Variants in PDGFRL observed in about 807,000 individuals in gnomAD.
PDGFRL encodes the protein platelet derived growth factor receptor like.
Under a neutral mutation model 37.2 loss-of-function variants are expected in PDGFRL, and 46 were observed. The observed-to-expected ratio is 1.24, with a 90% CI of 0.98 to 1.58. The LOEUF is 1.58. Ranked by LOEUF, PDGFRL falls within the 40% of genes most tolerant of loss-of-function variation. PDGFRL has a pLI of 0.00. For synonymous variants in PDGFRL, 251 were observed against 184.3 expected, an observed-to-expected ratio of 1.36 and a Z score of -2.93; for missense variants, 692 against 467.6, an observed-to-expected ratio of 1.48 and a Z score of -4.43.
chr8:17,588,275 A>G (rs551486324), intron 1 of PDGFRL, among the ~76,000 whole-genome samples: 29 of 152,324 alleles, frequency 1.9e-4, no homozygotes, highest in South Asian at 6.2e-4. Context: ...TAGTATACAC[A>G]TAATATTTAC....
At chr8:17,598,087 CA>C (rs1469108974) in intron 2 of PDGFRL, among the ~76,000 whole-genome samples, 2 of 152,058 alleles carry the variant, frequency 1.3e-5, no homozygotes, top group Non-Finnish European at 2.9e-5. Flanking sequence ...ATATGTGTAA[CA>C]CAGAGAAAGC....
chr8:17,640,163 G>A (rs1805061314), intron 5 of PDGFRL, among the ~76,000 whole-genome samples: 1 of 152,008 alleles, frequency 6.6e-6, no homozygotes, highest in Non-Finnish European at 1.5e-5. Flanking sequence ...CTATTTCACT[G>A]AAGATTTTTC....
At position 17,590,404 on chromosome 8, in the gene PDGFRL, T is replaced by C. The variant is rs1585301975; in HGVS notation, c.353+639T>C. ...TATAGAAAACTATTATGCATAGAGATGGATGTTTAAAAATTCATATTGTGT... is the reference window on the plus strand; with the variant it reads ...TATAGAAAACTATTATGCATAGAGACGGATGTTTAAAAATTCATATTGTGT... On this transcript the variant is annotated intron_variant, in intron 2 of 5. Transcript: ENST00000251630. Among the ~76,000 whole-genome samples, 7 of 151,898 alleles carry C rather than the reference T, an allele frequency of 4.6e-5. No individual in the cohort carries two copies. The South Asian group carries it at 1.5e-3, about 32-fold the overall frequency.
intron 4 of PDGFRL, among the ~76,000 whole-genome samples, chr8:17,629,966 C>T (rs1202008537): frequency 2.6e-5 from 4 of 152,150 alleles, no homozygotes; most frequent in Admixed American, 6.5e-5. Flanking sequence ...TACCCACACC[C>T]GGCACGCCCT....
intron 2 of PDGFRL, among the ~76,000 whole-genome samples, chr8:17,603,292 AAC>A (rs1804205031): frequency 6.6e-6 from 1 of 152,108 alleles, no homozygotes; most frequent in South Asian, 2.1e-4. Flanking sequence ...CAGCCCAACA[AAC>A]ACATTTTTTA....
At chr8:17,627,789 A>T (rs1447194045) in intron 3 of PDGFRL, among the ~76,000 whole-genome samples, 1 of 151,734 alleles carries the variant, frequency 6.6e-6, no homozygotes, top group Non-Finnish European at 1.5e-5. Context: ...TTGCAAATAT[A>T]TTTTTAAAGC....
intron 4 of PDGFRL, among the ~76,000 whole-genome samples, chr8:17,629,817 G>T (rs1247362341): frequency 6.6e-6 from 1 of 152,122 alleles, no homozygotes; most frequent in Non-Finnish European, 1.5e-5. Context: ...CAGTGACACA[G>T]GCTTGTACTT....
In PDGFRL at chr8:17,642,534, T is replaced by G. The variant is rs77462668; in HGVS notation, c.940-79T>G. ...GTGCTTTGCTCTCTGAAAGGAACGC[T>G]CAACAGTGTTGGGTGAGTGGGAGCT... On this transcript the variant is annotated intron_variant, in intron 5 of 5. Transcript: ENST00000251630. 5.6e-3 allele frequency: 4,648 copies of G among 826,846 alleles called. 133 individuals carry two copies. The African/African-American group carries it at 0.067, about 12-fold the overall frequency. 51.2% of individuals were successfully genotyped at this position (826,846 alleles called of 1,614,324 possible).
chr8:17,612,000 G>T (rs977592894), intron 2 of PDGFRL, among the ~76,000 whole-genome samples: 1 of 152,164 alleles, frequency 6.6e-6, no homozygotes, highest in Non-Finnish European at 1.5e-5. Context: ...AACTCCAGGG[G>T]AGGTGGCACA....
intron 2 of PDGFRL, among the ~76,000 whole-genome samples, chr8:17,605,967 C>G (rs1804267662): frequency 6.6e-6 from 1 of 152,138 alleles, no homozygotes; most frequent in African/African-American, 2.4e-5. Context: ...ACAGACAACA[C>G]AAAGGGAGGG....
intron 5 of PDGFRL, among the ~76,000 whole-genome samples, chr8:17,638,788 A>ATATATATATAT (rs1805033295): frequency 7.0e-5 from 5 of 71,584 alleles, no homozygotes; most frequent in Non-Finnish European, 1.1e-4. Flanking sequence ...TATATATATA[A>ATATATATATAT]TTGTGATATT....
chr8:17,592,032 A>G lies in PDGFRL; in HGVS notation c.353+2267A>G, dbSNP rs560387779. 5.9e-5 allele frequency among the ~76,000 whole-genome samples: 9 copies of G among 152,252 alleles called. No homozygotes were observed. In the East Asian group the frequency reaches 1.7e-3, roughly 29 times the overall value. ...TTGCAGAAATTCATCTCCCTCAAGGACATCATTATCCACTTGGTTACCCAA... is the reference window on the plus strand; with the variant it reads ...TTGCAGAAATTCATCTCCCTCAAGGGCATCATTATCCACTTGGTTACCCAA... On this transcript the variant is annotated intron_variant, in intron 2 of 5. Transcript: ENST00000251630.
intron 1 of PDGFRL, among the ~76,000 whole-genome samples, chr8:17,577,706 A>T (rs1251931820): frequency 6.6e-6 from 1 of 151,578 alleles, no homozygotes; most frequent in Non-Finnish European, 1.5e-5. Flanking sequence ...TGCTGCTGAG[A>T]GCGAGTGCCA....
chr8:17,594,141 G>T (rs145589219), intron 2 of PDGFRL, among the ~76,000 whole-genome samples: 103 of 151,488 alleles, frequency 6.8e-4, no homozygotes, highest in Admixed American at 2.7e-3. Flanking sequence ...TGTTACTGAC[G>T]TATTTCCCAC....
rs769487662 is a variant in PDGFRL, at chr8:17,589,496, G to A, written c.84G>A (p.Lys28=). The A allele has an allele frequency of 1.2e-6, 2 of 1,613,624 alleles. No homozygotes were observed. The highest frequency in any genetic ancestry group is 2.2e-5 in the East Asian group (1 of 44,874). Residue 28 remains lysine, a synonymous_variant, in exon 2 of 6, where the codon AAG becomes AAA. Coordinates refer to ENST00000251630, the MANE Select transcript of PDGFRL (RefSeq NM_001372073.1). ...CTGGCCAACACCTTCCCAAGAACAA[G>A]CGTCCAAAAGAACCAGGAGAGAATA... is the stretch of plus-strand genomic sequence containing the variant. ...DVTGQHLPKN[K]RPKEPGENRI...
intron 4 of PDGFRL, among the ~76,000 whole-genome samples, chr8:17,630,889 C>T (rs940903138): frequency 2.0e-5 from 3 of 152,090 alleles, no homozygotes; most frequent in Non-Finnish European, 4.4e-5. Flanking sequence ...CAGCTGGAGG[C>T]TGCCTCTGCT....
intron 1 of PDGFRL, among the ~76,000 whole-genome samples, chr8:17,585,607 C>T (rs569594749): frequency 7.2e-5 from 11 of 152,206 alleles, no homozygotes; most frequent in Non-Finnish European, 1.5e-4. Flanking sequence ...CTGAGTGGCT[C>T]AGAAGAATGT....
At chr8:17,607,735 G>A (rs1804314029) in intron 2 of PDGFRL, among the ~76,000 whole-genome samples, 1 of 152,170 alleles carries the variant, frequency 6.6e-6, no homozygotes, top group South Asian at 2.1e-4. Context: ...ACACTGGTGT[G>A]TTAGTAGCAT....
chr8:17,606,437 T>C (rs971374998), intron 2 of PDGFRL, among the ~76,000 whole-genome samples: 1 of 152,186 alleles, frequency 6.6e-6, no homozygotes, highest in African/African-American at 2.4e-5. Flanking sequence ...TAATTTGCAG[T>C]GGCCAGTCAA....
Sources: allele counts gnomAD v4.1 joint callset (sites outside exome capture counted in the v4.1 genomes callset), GRCh38; gene constraint gnomAD v4.1.1; transcripts MANE v1.5; gene names NCBI Gene and HGNC (gene_info 2026-07-23, HGNC 2026-07-21).